Variants in XRCC2 observed in about 807,000 individuals in gnomAD.
XRCC2 encodes the protein X-ray repair cross complementing 2, also known as DNA repair protein XRCC2.
XRCC2 carries 24 observed loss-of-function variants against 27.3 expected under a neutral mutation model. The observed-to-expected ratio is 0.88, with a 90% CI of 0.64 to 1.24. The LOEUF (loss-of-function observed/expected upper bound fraction) is 1.24, where lower values mean the gene tolerates loss of function less well. Among genes scored for constraint, XRCC2 ranks in the 50% most tolerant of loss-of-function variants. The pLI, the probability that XRCC2 is intolerant of heterozygous loss-of-function variation, is 0.00. For synonymous variants in XRCC2, 106 were observed against 115.4 expected (o/e 0.92, Z 0.52); for missense variants, 321 against 325.8 (o/e 0.99, Z 0.11).
intron 1 of XRCC2, among the ~76,000 whole-genome samples, chr7:152,667,182 C>A (rs1249016814): frequency 6.6e-6 from 1 of 151,290 alleles, no homozygotes; most frequent in African/African-American, 2.4e-5. Flanking sequence ...CCAAGGTGGG[C>A]AGATCACCTG....
At chr7:152,667,135 G>A (rs1365739076) in intron 1 of XRCC2, among the ~76,000 whole-genome samples, 3 of 151,784 alleles carry the variant, frequency 2.0e-5, no homozygotes, top group East Asian at 1.9e-4. Flanking sequence ...GGCCAGGTGC[G>A]GTGGCTCACG....
chr7:152,664,074 A>G (rs1339165464), intron 1 of XRCC2: 1 of 152,218 alleles, frequency 6.6e-6, no homozygotes, highest in Non-Finnish European at 1.5e-5. Flanking sequence ...ATTGTCACAC[A>G]TTGTTGCTGG....
intron 2 of XRCC2, among the ~76,000 whole-genome samples, chr7:152,651,949 T>G (rs1299938638): frequency 6.6e-6 from 1 of 151,646 alleles, no homozygotes; most frequent in Non-Finnish European, 1.5e-5. Context: ...GAGGATCACT[T>G]GAGCCCAGGA....
At position 152,648,415 on chromosome 7, in the gene XRCC2, A is replaced by G. The variant is rs1299122134; in HGVS notation, c.*227T>C. The stretch of plus-strand genomic sequence containing the variant: ...ACAGAGTAAGACTGTTTCAAAAAGA[A>G]AAAAAAAAAAAAAGAAAACTTTTGG... On this transcript the variant is annotated 3_prime_UTR_variant, in exon 3 of 3. Transcript: ENST00000359321. 1.8e-4 allele frequency: 6 copies of G among 33,812 alleles called. No homozygotes were observed. The highest frequency in any genetic ancestry group is 1.4e-3 in the African/African-American group (3 of 2,160). 2.1% of individuals were successfully genotyped at this position (33,812 alleles called of 1,614,324 possible).
rs1554410400 is a variant in XRCC2, at chr7:152,648,663, T to TTC, written c.820_821dup (p.Ser275LysfsTer23). On this transcript the variant is annotated frameshift_variant, in exon 3 of 3. Transcript: ENST00000359321. LOFTEE classifies it high-confidence loss of function. Reference sequence around the variant, plus strand: ...TATATCAACAAAATTCAACCCCACTTTCTCCAATAATAAAAAAATGTTTTT... The same window carrying TTC: ...TATATCAACAAAATTCAACCCCACTTTCTCTCCAATAATAAAAAAATGTTTTT... The TTC allele has an allele frequency of 6.2e-7, 1 of 1,605,280 alleles. No individual in the cohort carries two copies. Among genetic ancestry groups the TTC allele is most frequent in the Non-Finnish European group, 8.5e-7 (1 of 1,176,306 alleles).
chr7:152,663,847 C>G (rs879329476), intron 1 of XRCC2: 80 of 152,460 alleles, frequency 5.2e-4, no homozygotes, highest in African/African-American at 1.9e-3. Context: ...CCCCTGCCCC[C>G]CCCCCCCAAA....
At chr7:152,658,094 T>A (rs1043960115) in intron 2 of XRCC2, among the ~76,000 whole-genome samples, 2 of 151,814 alleles carry the variant, frequency 1.3e-5, no homozygotes, top group Admixed American at 6.6e-5. Context: ...ACCTCTCAAG[T>A]AGCTGGGATT....
At chr7:152,656,841 A>C (rs992492176) in intron 2 of XRCC2, among the ~76,000 whole-genome samples, 1 of 152,240 alleles carries the variant, frequency 6.6e-6, no homozygotes, top group African/African-American at 2.4e-5. Context: ...TGTACAAAAA[A>C]TACTAAAGGG....
At chr7:152,660,393 A>ACTTCC (rs2098032568) in intron 2 of XRCC2, among the ~76,000 whole-genome samples, 1 of 152,200 alleles carries the variant, frequency 6.6e-6, no homozygotes, top group African/African-American at 2.4e-5. Context: ...CTTCCCTACA[A>ACTTCC]CTCCGCAAGC....
rs3218503 is a variant in XRCC2, at chr7:152,654,685, C to A, written c.122-5322G>T. Among the ~76,000 whole-genome samples the A allele has an allele frequency of 7.3e-3, 1,113 of 152,340 alleles. 47 individuals carry two copies. Among genetic ancestry groups the A allele is most frequent in the Admixed American group, 0.053 (818 of 15,304 alleles). ...TAGGCATTCACTGCTTCTAGAGTAACAGCAAGGACAGAGTGGATTCCCGAC... is the reference window on the plus strand; with the variant it reads ...TAGGCATTCACTGCTTCTAGAGTAAAAGCAAGGACAGAGTGGATTCCCGAC... On this transcript the variant is annotated intron_variant, in intron 2 of 2. Transcript: ENST00000359321.
chr7:152,648,587 A>G lies in XRCC2; in HGVS notation c.*55T>C. The G allele has an allele frequency of 6.6e-7, 1 of 1,512,742 alleles. No homozygotes were observed. Among genetic ancestry groups the G allele is most frequent in the South Asian group, 1.3e-5 (1 of 74,088 alleles). The allele number at this position is 1,512,742 out of a possible 1,614,324, so 93.7% of individuals were successfully genotyped here. On this transcript the variant is annotated 3_prime_UTR_variant, in exon 3 of 3. Coordinates refer to ENST00000359321, the MANE Select transcript of XRCC2 (RefSeq NM_005431.2). The stretch of plus-strand genomic sequence containing the variant: ...GGAGACAGAGCAAGACTCTGTCTTA[A>G]GAAAAATTTTAAGGCTTGCGTAGTA...
intron 1 of XRCC2, 136 bp downstream of exon 1, chr7:152,675,905 C>A (rs1172651890): frequency 1.7e-6 from 2 of 1,194,672 alleles, no homozygotes; most frequent in Non-Finnish European, 2.4e-6. Flanking sequence ...TCGCGGGCGT[C>A]TAGGCCGAGA....
At chr7:152,675,547 G>C (rs1037786400) in intron 1 of XRCC2, among the ~76,000 whole-genome samples, 1 of 152,092 alleles carries the variant, frequency 6.6e-6, no homozygotes, top group African/African-American at 2.4e-5. Flanking sequence ...GGGGTGGCGA[G>C]GGCCAGCTGC....
intron 2 of XRCC2, among the ~76,000 whole-genome samples, chr7:152,657,857 A>T (rs1484799213): frequency 6.6e-6 from 1 of 152,244 alleles, no homozygotes; most frequent in Non-Finnish European, 1.5e-5. Context: ...ACATTAGAAA[A>T]TATTTAACAC....
At chr7:152,651,613 A>T (rs1472131171) in intron 2 of XRCC2, among the ~76,000 whole-genome samples, 1 of 152,072 alleles carries the variant, frequency 6.6e-6, no homozygotes. Flanking sequence ...GAAGAAATTT[A>T]AAAAATGATT....
At chr7:152,650,430 TAAATC>T (rs1329749412) in intron 2 of XRCC2, among the ~76,000 whole-genome samples, 12 of 152,362 alleles carry the variant, frequency 7.9e-5, no homozygotes, top group African/African-American at 2.9e-4. Context: ...CAGCACAAGT[TAAATC>T]AAACAACACT....
intron 1 of XRCC2, among the ~76,000 whole-genome samples, chr7:152,670,503 T>C (rs2098037730): frequency 6.6e-6 from 1 of 152,202 alleles, no homozygotes; most frequent in African/African-American, 2.4e-5. Context: ...CAGAAGTCCG[T>C]GAGTACACAT....
At position 152,645,561 on chromosome 7, in the gene XRCC2, GAC is replaced by G. The variant is rs903708613; in HGVS notation, c.*3079_*3080del. 9 of 152,126 alleles carry G rather than the reference GAC, an allele frequency of 5.9e-5. No homozygotes were observed. The highest frequency in any genetic ancestry group is 2.1e-4 in the South Asian group (1 of 4,826). The allele number at this position is 152,126 out of a possible 1,614,324, so 9.4% of individuals were successfully genotyped here. ...TACAATCATCTAACCTTTAAAGAATGACAGTTTTGTTTCTTCCATATGCCTTT... is the reference window on the plus strand; with the variant it reads ...TACAATCATCTAACCTTTAAAGAATGAGTTTTGTTTCTTCCATATGCCTTT... On this transcript the variant is annotated 3_prime_UTR_variant, in exon 3 of 3. Coordinates refer to ENST00000359321, the MANE Select transcript of XRCC2 (RefSeq NM_005431.2).
At chr7:152,654,379 C>T (rs577471070) in intron 2 of XRCC2, among the ~76,000 whole-genome samples, 1 of 152,014 alleles carries the variant, frequency 6.6e-6, no homozygotes, top group African/African-American at 2.4e-5. Context: ...TTAGAAGACG[C>T]ATTAGAAGAC....
Sources: gnomAD v4.1 joint callset for allele counts (sites outside exome capture counted in the v4.1 genomes callset) on GRCh38, gnomAD v4.1.1 for gene constraint, MANE v1.5 for transcripts, NCBI Gene and HGNC (gene_info 2026-07-23, HGNC 2026-07-21) for gene names.